Variants in DIP2B observed in about 807,000 individuals in gnomAD.
DIP2B encodes the protein disco-interacting protein 2 homolog B.
Under a neutral mutation model 198.0 loss-of-function variants are expected in DIP2B, and 76 were observed. That is an observed-to-expected ratio of 0.38 (90% CI 0.32 to 0.46). The LOEUF (loss-of-function observed/expected upper bound fraction) is 0.46. DIP2B is among the 20% of genes least tolerant of loss of function. The pLI is 0.99. For synonymous variants in DIP2B, 701 were observed against 739.1 expected, an observed-to-expected ratio of 0.95 and a Z score of 0.84; for missense variants, 1,559 against 1,978.4, an observed-to-expected ratio of 0.79 and a Z score of 4.02.
chr12:50,666,919 C>T (rs948008828), intron 4 of DIP2B, among the ~76,000 whole-genome samples: 3 of 152,052 alleles, frequency 2.0e-5, no homozygotes, highest in African/African-American at 4.8e-5. Context: ...CTACTCGGGA[C>T]GCTGAGGCAG....
intron 12 of DIP2B, among the ~76,000 whole-genome samples, chr12:50,688,619 C>A (rs926362904): frequency 3.3e-5 from 5 of 151,954 alleles, no homozygotes; most frequent in Admixed American, 2.6e-4. Flanking sequence ...GCCACTGCAC[C>A]CTATCCTGGA....
At chr12:50,616,975 A>G (rs1937710937) in intron 1 of DIP2B, among the ~76,000 whole-genome samples, 1 of 152,034 alleles carries the variant, frequency 6.6e-6, no homozygotes. Flanking sequence ...TCCCTCATGT[A>G]TGAGTAGTGA....
chr12:50,623,528 C>T lies in DIP2B; in HGVS notation c.101-2448C>T, dbSNP rs918340299. On this transcript the variant is annotated intron_variant, in intron 1 of 37. Transcript: ENST00000301180. ...CCTTCCAGACACACACACACACACACGCACACACACACACACACACTCTCA... is the reference window on the plus strand; with the variant it reads ...CCTTCCAGACACACACACACACACATGCACACACACACACACACACTCTCA... Among the ~76,000 whole-genome samples the T allele has an allele frequency of 3.5e-5, 5 of 142,414 alleles. No individual in the cohort carries two copies. In the East Asian group the frequency reaches 5.9e-4, roughly 17 times the overall value. 93.4% of individuals were successfully genotyped at this position (142,414 alleles called of 152,430 possible). A position where few individuals can be genotyped will look rare whatever the true frequency, so the allele number is the denominator to read the frequency against.
chr12:50,719,025 T>C lies in DIP2B; in HGVS notation c.3032T>C (p.Leu1011Ser), dbSNP rs1431100370. 6.2e-7 allele frequency: 1 copy of C among 1,614,168 alleles called. No individual in the cohort carries two copies. Among genetic ancestry groups the C allele is most frequent in the Non-Finnish European group, 8.5e-7 (1 of 1,180,018 alleles). The change falls in exon 25 of 38, where the codon TTA becomes TCA. Residue 1011 changes from leucine (L) to serine (S), a missense_variant. Physicochemically the swap from Leu to Ser is moderately radical, Grantham distance 145. Transcript: ENST00000301180. The part of the protein sequence containing the change: ...ATPDHVLFML[L>S]NAKGTTVCTA... Reference sequence around the variant, plus strand: ...CCTGACCATGTACTCTTCATGCTGTTAAATGCCAAGGTATTAAAAATTCAA... The same window carrying C: ...CCTGACCATGTACTCTTCATGCTGTCAAATGCCAAGGTATTAAAAATTCAA...
At chr12:50,545,521 A>G (rs934527586) in intron 1 of DIP2B, among the ~76,000 whole-genome samples, 2 of 151,598 alleles carry the variant, frequency 1.3e-5, no homozygotes, top group African/African-American at 2.4e-5. Context: ...GACTACAGGC[A>G]TGTGCCACCA....
rs938798014 is a variant in DIP2B at position 50,580,725 on chromosome 12, G to C, written c.101-45251G>C. Among the ~76,000 whole-genome samples the C allele has an allele frequency of 1.1e-4, 17 of 148,084 alleles. 1 individual carries two copies. Among genetic ancestry groups the C allele is most frequent in the African/African-American group, 3.7e-4 (15 of 40,446 alleles). ...TTTGGCAAGGTCTAGAGACATTTTT[G>C]GTTGTCAGAGCTCTGGGTTGGGGGA... On this transcript the variant is annotated intron_variant, in intron 1 of 37. Coordinates refer to ENST00000301180, the MANE Select transcript of DIP2B (RefSeq NM_173602.3).
intron 1 of DIP2B, among the ~76,000 whole-genome samples, chr12:50,548,201 A>G (rs1378048209): frequency 6.6e-6 from 1 of 152,192 alleles, no homozygotes; most frequent in Admixed American, 6.5e-5. Context: ...CTTATTAGGT[A>G]TACTTCCAAA....
intron 31 of DIP2B, among the ~76,000 whole-genome samples, 155 bp from the exon 32 acceptor site, chr12:50,732,211 C>T (rs1940055394): frequency 1.3e-5 from 2 of 152,200 alleles, no homozygotes; most frequent in Non-Finnish European, 2.9e-5. Flanking sequence ...TTGTCCGTTT[C>T]TTCTTTTCTG....
chr12:50,739,667 G>A (rs1337450343), intron 36 of DIP2B, 81 bp downstream of exon 36: 6 of 1,529,338 alleles, frequency 3.9e-6, no homozygotes, highest in Non-Finnish European at 5.4e-6. Flanking sequence ...GCGTTGGATT[G>A]TGGAGTGTGT....
At chr12:50,621,814 C>G (rs769353383) in intron 1 of DIP2B, among the ~76,000 whole-genome samples, 1 of 152,194 alleles carries the variant, frequency 6.6e-6, no homozygotes, top group Admixed American at 6.5e-5. Flanking sequence ...TTGTAGTCCT[C>G]GCATTCTCAC....
At chr12:50,619,027 C>T (rs1217731815) in intron 1 of DIP2B, among the ~76,000 whole-genome samples, 1 of 151,694 alleles carries the variant, frequency 6.6e-6, no homozygotes, top group Non-Finnish European at 1.5e-5. Flanking sequence ...TCTTTCCTTC[C>T]CAAAGTCCCC....
intron 1 of DIP2B, among the ~76,000 whole-genome samples, chr12:50,563,777 T>G (rs1958540374): frequency 6.6e-6 from 1 of 150,388 alleles, no homozygotes; most frequent in Non-Finnish European, 1.5e-5. Context: ...TTTACAGGCA[T>G]AAGCCACCTT....
chr12:50,507,409 A>G (rs1957977276), intron 1 of DIP2B, among the ~76,000 whole-genome samples: 3 of 152,222 alleles, frequency 2.0e-5, no homozygotes, highest in African/African-American at 7.2e-5. Flanking sequence ...AAAATAATCC[A>G]AAAGTCCCCA....
intron 22 of DIP2B, among the ~76,000 whole-genome samples, chr12:50,713,531 G>A (rs1233395827): frequency 6.6e-6 from 1 of 152,200 alleles, no homozygotes; most frequent in African/African-American, 2.4e-5. Flanking sequence ...ACATGGCTGC[G>A]AGCACAGGTA....
chr12:50,521,694 C>T (rs1431314431), intron 1 of DIP2B, among the ~76,000 whole-genome samples: 1 of 151,596 alleles, frequency 6.6e-6, no homozygotes, highest in Non-Finnish European at 1.5e-5. Flanking sequence ...CGGGGTTTCT[C>T]CGTGTTAGCC....
chr12:50,686,872 T>C (rs1007011185), intron 12 of DIP2B, 190 bp downstream of exon 12: 5 of 480,832 alleles, frequency 1.0e-5, no homozygotes, highest in Non-Finnish European at 1.4e-5. Flanking sequence ...ATCATAAGTA[T>C]ACATTCAAGA....
At chr12:50,652,958 T>A (rs76495765) in intron 3 of DIP2B, among the ~76,000 whole-genome samples, 1 of 152,006 alleles carries the variant, frequency 6.6e-6, no homozygotes, top group East Asian at 1.9e-4. Context: ...TTTTTTTTTT[T>A]AAAGAAACGG....
intron 37 of DIP2B, among the ~76,000 whole-genome samples, chr12:50,743,101 T>G (rs1940282826): frequency 6.6e-6 from 1 of 152,108 alleles, no homozygotes; most frequent in Non-Finnish European, 1.5e-5. Context: ...TTTTGTTTGT[T>G]TTTTTTGTGA....
chr12:50,738,000 T>A (rs1452871623), intron 35 of DIP2B, among the ~76,000 whole-genome samples: 1 of 152,134 alleles, frequency 6.6e-6, no homozygotes, highest in East Asian at 1.9e-4. Context: ...TTCTCAGTAT[T>A]GGACAGGTTA....
Sources: gnomAD v4.1 joint callset for allele counts (sites outside exome capture counted in the v4.1 genomes callset) on GRCh38, gnomAD v4.1.1 for gene constraint, MANE v1.5 for transcripts, NCBI Gene and HGNC (gene_info 2026-07-23, HGNC 2026-07-21) for gene names.